The following ROCK2 variants were observed in gnomAD, a reference collection of about 807,000 sequenced individuals.
ROCK2 encodes rho-associated protein kinase 2.
A neutral mutation model predicts 195.1 loss-of-function variants in ROCK2; 61 were observed. The observed-to-expected ratio is 0.31, with a 90% confidence interval of 0.25 to 0.39. ROCK2 has a LOEUF of 0.39. Among genes scored for constraint, ROCK2 ranks in the 10% least tolerant of loss-of-function variants. The probability of loss-of-function intolerance (pLI) is 1.00; values close to 1 mark genes in which losing one functional copy is unlikely to be tolerated. For synonymous variants in ROCK2, 504 were observed against 545.5 expected, an observed-to-expected ratio of 0.92 and a Z score of 1.06; for missense variants, 1,109 against 1,637.4, an observed-to-expected ratio of 0.68 and a Z score of 5.57.
At chr2:11,292,716 T>C (rs1284038810) in intron 1 of ROCK2, among the ~76,000 whole-genome samples, 1 of 152,194 alleles carries the variant, frequency 6.6e-6, no homozygotes, top group Non-Finnish European at 1.5e-5. Flanking sequence ...ACACATTTCC[T>C]CTGTTTGCTA....
intron 1 of ROCK2, 115 bp downstream of exon 1, chr2:11,343,881 C>A: frequency 1.5e-6 from 2 of 1,303,262 alleles, no homozygotes; most frequent in Admixed American, 2.9e-5. Context: ...GGAAGCAGGG[C>A]GGGGTGGGGC....
At chr2:11,323,511 ATAAC>A (rs1668459403) in intron 1 of ROCK2, among the ~76,000 whole-genome samples, 1 of 152,242 alleles carries the variant, frequency 6.6e-6, no homozygotes, top group Non-Finnish European at 1.5e-5. Flanking sequence ...TGACTTTAAT[ATAAC>A]TTTAATCAGA....
chr2:11,308,691 T>C (rs1164812046), intron 1 of ROCK2: 35 of 1,560,368 alleles, frequency 2.2e-5, no homozygotes, highest in East Asian at 1.1e-4. Flanking sequence ...AATGTGGACA[T>C]TGAGCTCCAG....
At chr2:11,345,011 T>TG (rs1479538654), upstream of ROCK2, among the ~76,000 whole-genome samples, 16 of 148,576 alleles carry the variant, frequency 1.1e-4, no homozygotes, top group East Asian at 2.7e-3. Context: ...CACCGTGCGC[T>TG]GGGGGGGAGC....
At chr2:11,238,207 A>AGTGT (rs764814189) in intron 4 of ROCK2, among the ~76,000 whole-genome samples, 81 of 36,068 alleles carry the variant, frequency 2.2e-3, no homozygotes, top group African/African-American at 6.1e-3. Context: ...AAATTGAGAA[A>AGTGT]GAGTGTGTGT....
chr2:11,189,068 T>C (rs1287913770), intron 32 of ROCK2, among the ~76,000 whole-genome samples: 1 of 151,608 alleles, frequency 6.6e-6, no homozygotes, highest in Non-Finnish European at 1.5e-5. Flanking sequence ...GAGAAAAAGA[T>C]GTAATGATGT....
At chr2:11,343,968 A>C in intron 1 of ROCK2, 28 bp downstream of exon 1, 1 of 1,583,136 alleles carries the variant, frequency 6.3e-7, no homozygotes, top group Non-Finnish European at 8.6e-7. Flanking sequence ...AGCTGCAACG[A>C]GCAAGCTCCC....
chr2:11,313,771 C>T (rs1408342261), intron 1 of ROCK2, among the ~76,000 whole-genome samples: 2 of 151,744 alleles, frequency 1.3e-5, no homozygotes, highest in Non-Finnish European at 3.0e-5. Flanking sequence ...TCTCACTTTA[C>T]CTTTATCCTC....
intron 1 of ROCK2, among the ~76,000 whole-genome samples, chr2:11,317,701 C>G (rs1228347613): frequency 1.4e-5 from 2 of 143,216 alleles, no homozygotes; most frequent in East Asian, 2.1e-4. Flanking sequence ...GTGCCATGTT[C>G]GTGTGCTGCA....
intron 1 of ROCK2, among the ~76,000 whole-genome samples, chr2:11,331,178 GA>G (rs761259034): frequency 3.4e-4 from 52 of 152,106 alleles, no homozygotes; most frequent in Non-Finnish European, 6.8e-4. Context: ...ACATTAAAAA[GA>G]AAACTTCAAT....
At chr2:11,284,558 A>T (rs1475108266) in intron 3 of ROCK2, among the ~76,000 whole-genome samples, 1 of 152,178 alleles carries the variant, frequency 6.6e-6, no homozygotes, top group South Asian at 2.1e-4. Context: ...AAGTGCTCTT[A>T]AAAAAACTAA....
intron 1 of ROCK2, among the ~76,000 whole-genome samples, chr2:11,317,862 G>A (rs542623341): frequency 6.4e-4 from 97 of 151,120 alleles, no homozygotes; most frequent in African/African-American, 2.2e-3. Flanking sequence ...GAGAATATGC[G>A]GTGTTTGGTT....
chr2:11,220,650 T>C (rs1191896822), intron 9 of ROCK2, among the ~76,000 whole-genome samples: 5 of 152,286 alleles, frequency 3.3e-5, no homozygotes, highest in Non-Finnish European at 7.4e-5. Flanking sequence ...AGTGCTCTGC[T>C]CCCAATGTAT....
intron 14 of ROCK2, 21 bp from the exon 15 acceptor site, chr2:11,215,433 G>A (rs1418798066): frequency 1.2e-6 from 2 of 1,602,012 alleles, no homozygotes; most frequent in Non-Finnish European, 1.7e-6. Context: ...AAGCATTTCA[G>A]TGGCAAGCTT....
At chr2:11,290,535 A>G (rs948021523) in intron 1 of ROCK2, among the ~76,000 whole-genome samples, 4 of 152,182 alleles carry the variant, frequency 2.6e-5, no homozygotes, top group African/African-American at 7.2e-5. Context: ...AGCAATGAAG[A>G]AAACGATCTG....
chr2:11,196,686 C>A (rs1414450616), intron 27 of ROCK2, among the ~76,000 whole-genome samples: 4 of 152,136 alleles, frequency 2.6e-5, no homozygotes, highest in Non-Finnish European at 5.9e-5. Flanking sequence ...CAGGATATCA[C>A]CTGTACCATT....
chr2:11,227,106 C>T (rs1664840079), intron 6 of ROCK2, 148 bp downstream of exon 6: 1 of 626,750 alleles, frequency 1.6e-6, no homozygotes. Flanking sequence ...AACAGTCTGC[C>T]CTATCAGATA....
At chr2:11,188,251 A>G (rs1288045678) in intron 32 of ROCK2, among the ~76,000 whole-genome samples, 1 of 151,880 alleles carries the variant, frequency 6.6e-6, no homozygotes, top group African/African-American at 2.4e-5. Context: ...CTGGGATTAC[A>G]GGCGCCTGAC....
At chr2:11,214,136 T>C (rs1572252220) in intron 17 of ROCK2, among the ~76,000 whole-genome samples, 1 of 152,128 alleles carries the variant, frequency 6.6e-6, no homozygotes, top group Non-Finnish European at 1.5e-5. Flanking sequence ...CCAGGATGGG[T>C]CCCCTTACTT....
Sources: allele counts gnomAD v4.1 joint callset (sites outside exome capture counted in the v4.1 genomes callset), GRCh38; gene constraint gnomAD v4.1.1; transcripts MANE v1.5; gene names NCBI Gene and HGNC (gene_info 2026-07-23, HGNC 2026-07-21).